The following PCNX1 variants were observed in gnomAD, a reference collection of about 807,000 sequenced individuals.
The protein encoded by PCNX1 is pecanex-like protein 1.
PCNX1 carries 78 observed loss-of-function variants against 242.2 expected under a neutral mutation model. The observed-to-expected ratio is 0.32, with a 90% CI of 0.27 to 0.39. The LOEUF (loss-of-function observed/expected upper bound fraction) is 0.39, where lower values mean the gene tolerates loss of function less well. Among genes scored for constraint, PCNX1 ranks in the 10% least tolerant of loss-of-function variants. PCNX1 has a pLI of 1.00. For synonymous variants in PCNX1, 1,024 were observed against 1,032.9 expected, an observed-to-expected ratio of 0.99 and a Z score of 0.17; for missense variants, 2,581 against 2,856.5, an observed-to-expected ratio of 0.90 and a Z score of 2.20.
At chr14:71,104,970 G>C (rs990286685) in intron 32 of PCNX1, among the ~76,000 whole-genome samples, 16 of 152,106 alleles carry the variant, frequency 1.1e-4, no homozygotes, top group African/African-American at 3.6e-4. Context: ...TGGTACAACT[G>C]AGTTATATAC....
chr14:71,109,391 T>C, intron 34 of PCNX1, 61 bp from the exon 35 acceptor site: 1 of 1,436,554 alleles, frequency 7.0e-7, no homozygotes, highest in Non-Finnish European at 9.6e-7. Context: ...TTGTTTGAGA[T>C]TACATAATTT....
At chr14:70,946,797 A>G (rs2057474134) in intron 1 of PCNX1, 118 bp from the exon 2 acceptor site, 3 of 753,900 alleles carry the variant, frequency 4.0e-6, no homozygotes, top group African/African-American at 1.8e-5. Context: ...GCTTAGCGCT[A>G]GTAACATAGT....
chr14:71,062,960 C>T (rs1403969551), intron 26 of PCNX1, among the ~76,000 whole-genome samples: 1 of 152,164 alleles, frequency 6.6e-6, no homozygotes, highest in Non-Finnish European at 1.5e-5. Context: ...AGTACTATAA[C>T]ATGCTGTACA....
intron 10 of PCNX1, 179 bp from the exon 11 acceptor site, chr14:71,012,805 CA>C: frequency 1.9e-6 from 1 of 516,308 alleles, no homozygotes; most frequent in South Asian, 2.2e-5. Context: ...GTACTTCAGA[CA>C]AGACTCTGTC....
rs1052617241 is a variant in PCNX1 at position 71,113,851 on chromosome 14, G to C, written c.*3916G>C. 4 of 151,870 alleles carry C rather than the reference G, an allele frequency of 2.6e-5. No individual in the cohort carries two copies. Among genetic ancestry groups the C allele is most frequent in the Non-Finnish European group, 5.9e-5 (4 of 67,948 alleles). The allele number at this position is 151,870 out of a possible 1,614,324, so 9.4% of individuals were successfully genotyped here. A position where few individuals can be genotyped will look rare whatever the true frequency, so the allele number is the denominator to read the frequency against. ...ATGAATATGGACAAAGCCTTTTCTG[G>C]GGTGTGTGTGTGTGTGTATGTTTGT... On this transcript the variant is annotated 3_prime_UTR_variant, in exon 36 of 36. Transcript: ENST00000304743.
chr14:71,040,695 A>C (rs184014647), intron 19 of PCNX1, among the ~76,000 whole-genome samples: 15 of 151,936 alleles, frequency 9.9e-5, no homozygotes, highest in African/African-American at 3.1e-4. Flanking sequence ...ATACAGTTAT[A>C]CTCTTAGTTA....
intron 1 of PCNX1, among the ~76,000 whole-genome samples, chr14:70,931,122 C>G (rs1594926723): frequency 6.6e-6 from 1 of 152,136 alleles, no homozygotes; most frequent in Non-Finnish European, 1.5e-5. Flanking sequence ...TTCTCTCCAT[C>G]CACCAAGAAT....
chr14:71,086,926 C>T (rs1210616680), intron 28 of PCNX1, among the ~76,000 whole-genome samples: 1 of 152,016 alleles, frequency 6.6e-6, no homozygotes, highest in Non-Finnish European at 1.5e-5. Context: ...CAGTCTTTGG[C>T]TGTTTCAGCT....
At position 70,949,882 on chromosome 14, in the gene PCNX1, T is replaced by C. The variant is rs556266480; in HGVS notation, c.362+2759T>C. On this transcript the variant is annotated intron_variant, in intron 2 of 35. Coordinates refer to ENST00000304743, the MANE Select transcript of PCNX1 (RefSeq NM_014982.3). ...CACTTGACATACCTCAAAACAATTC[T>C]AGCAGGTAGATGCTGTTATTATCCC... is the stretch of plus-strand genomic sequence containing the variant. Among the ~76,000 whole-genome samples the C allele has an allele frequency of 1.0e-3, 158 of 152,226 alleles. 1 individual carries two copies. The highest frequency in any genetic ancestry group is 2.2e-3 in the Admixed American group (33 of 15,282).
At position 71,020,649 on chromosome 14, in the gene PCNX1, T is replaced by C. The variant is rs140396882; in HGVS notation, c.3150+1487T>C. Among the ~76,000 whole-genome samples the C allele has an allele frequency of 8.9e-3, 1,357 of 152,330 alleles. 9 individuals are homozygous for C. Among genetic ancestry groups the C allele is most frequent in the South Asian group, 0.017 (82 of 4,826 alleles). On this transcript the variant is annotated intron_variant, in intron 12 of 35. Coordinates refer to ENST00000304743, the MANE Select transcript of PCNX1 (RefSeq NM_014982.3). ...TTTGTTTTTTTCTTGTAAATTTAAG[T>C]TCCTTGTAGATTCTGGATGTCAGAT... is the stretch of plus-strand genomic sequence containing the variant.
chr14:70,981,567 A>G (rs531356483), intron 6 of PCNX1, among the ~76,000 whole-genome samples: 5 of 152,162 alleles, frequency 3.3e-5, no homozygotes, highest in Non-Finnish European at 7.4e-5. Context: ...TTAAAACTGA[A>G]TTTCATCAAT....
chr14:70,968,913 T>G (rs1415906345), intron 4 of PCNX1, 108 bp from the exon 5 acceptor site: 2 of 659,750 alleles, frequency 3.0e-6, no homozygotes, highest in African/African-American at 1.8e-5. Context: ...AAAACTACTT[T>G]AGTTGATAGA....
intron 16 of PCNX1, chr14:71,031,879 C>G: frequency 6.9e-7 from 1 of 1,453,616 alleles, no homozygotes; most frequent in Non-Finnish European, 9.7e-7. Context: ...TTTCACAGCA[C>G]GAGCAGATTT....
chr14:71,099,209 A>G (rs2062394431), intron 30 of PCNX1, among the ~76,000 whole-genome samples: 1 of 141,104 alleles, frequency 7.1e-6, no homozygotes, highest in African/African-American at 2.7e-5. Flanking sequence ...CCCAGGCTGG[A>G]GTGCAGTGGC....
rs757958606 is a variant in PCNX1, at chr14:71,076,257, A to G, written c.5175A>G (p.Glu1725=). ...EEWLANETMQ[E]GLRLCADRNY... is the part of the protein sequence containing the mutation. ...GGCTAGCTAATGAGACAATGCAGGA[A>G]GGACTTCGTCTGTGTGCTGATCGCA... Residue 1725 remains glutamate (E), a synonymous_variant, in exon 28 of 36, where the codon GAA becomes GAG. Transcript: ENST00000304743. 1 of 1,614,044 alleles carries G rather than the reference A, an allele frequency of 6.2e-7. No individual in the cohort carries two copies. The highest frequency in any genetic ancestry group is 1.1e-5 in the South Asian group (1 of 91,074).
At chr14:71,022,807 A>G (rs1243822360) in intron 12 of PCNX1, among the ~76,000 whole-genome samples, 1 of 152,146 alleles carries the variant, frequency 6.6e-6, no homozygotes, top group Non-Finnish European at 1.5e-5. Flanking sequence ...GTGAACCCCT[A>G]TTATTGTATA....
At chr14:71,059,357 A>G (rs1215443078) in intron 26 of PCNX1, among the ~76,000 whole-genome samples, 2 of 152,068 alleles carry the variant, frequency 1.3e-5, no homozygotes, top group Non-Finnish European at 2.9e-5. Flanking sequence ...GTAACAAGGG[A>G]TACCTGTAAT....
intron 33 of PCNX1, among the ~76,000 whole-genome samples, chr14:71,106,224 T>C (rs905730350): frequency 1.4e-4 from 22 of 151,928 alleles, no homozygotes; most frequent in Admixed American, 1.4e-3. Flanking sequence ...TCAACCATGT[T>C]AGCCAGAATG....
Position 71,100,071 on chromosome 14 carries a change from GT to G in PCNX1, c.5590-1917del, listed in dbSNP as rs201479583. 7.9e-3 allele frequency among the ~76,000 whole-genome samples: 1,200 copies of G among 152,120 alleles called. 8 individuals carry two copies. Among genetic ancestry groups the G allele is most frequent in the Non-Finnish European group, 0.011 (732 of 68,004 alleles). ...GGTGTTTAGACCATTTACATTCAAGGTTAATATTGATATGTGAGGTTTTGGT... is the reference window on the plus strand; with the variant it reads ...GGTGTTTAGACCATTTACATTCAAGGTAATATTGATATGTGAGGTTTTGGT... On this transcript the variant is annotated intron_variant, in intron 30 of 35. Transcript: ENST00000304743.
Sources: gnomAD v4.1 joint callset for allele counts (sites outside exome capture counted in the v4.1 genomes callset) on GRCh38, gnomAD v4.1.1 for gene constraint, MANE v1.5 for transcripts, NCBI Gene and HGNC (gene_info 2026-07-23, HGNC 2026-07-21) for gene names.